Variants in PEAK1 observed in about 807,000 individuals in gnomAD.
PEAK1 encodes pseudopodium enriched atypical kinase 1.
PEAK1 carries 54 observed loss-of-function variants against 124.7 expected under a neutral mutation model. The ratio of observed to expected loss-of-function variants is 0.43; its 90% CI spans 0.35 to 0.54. The LOEUF (loss-of-function observed/expected upper bound fraction) is 0.54, where lower values mean the gene tolerates loss of function less well. Among genes scored for constraint, PEAK1 ranks in the 20% least tolerant of loss-of-function variants. The probability of loss-of-function intolerance (pLI) is 0.01; values close to 1 mark genes in which losing one functional copy is unlikely to be tolerated. For synonymous variants in PEAK1, 719 were observed against 760.0 expected, an observed-to-expected ratio of 0.95 and a Z score of 0.89; for missense variants, 2,046 against 2,134.5, an observed-to-expected ratio of 0.96 and a Z score of 0.82.
At chr15:77,138,660 T>C (rs1041673160) in intron 8 of PEAK1, among the ~76,000 whole-genome samples, 16 of 152,236 alleles carry the variant, frequency 1.1e-4, no homozygotes, top group Admixed American at 1.0e-3. Flanking sequence ...GGCCAGGAGT[T>C]TGAGACCAGC....
intron 2 of PEAK1, chr15:77,334,353 C>T (rs2066067883): frequency 1.0e-6 from 1 of 985,284 alleles, no homozygotes; most frequent in Non-Finnish European, 1.2e-6. Flanking sequence ...GGTCCTGACA[C>T]CAGAAGGAAG....
At chr15:77,267,436 C>T (rs956385052) in intron 5 of PEAK1, among the ~76,000 whole-genome samples, 55 of 152,142 alleles carry the variant, frequency 3.6e-4, no homozygotes, top group African/African-American at 1.3e-3. Flanking sequence ...AAAAATACAA[C>T]CAGGAACCCT....
intron 2 of PEAK1, among the ~76,000 whole-genome samples, chr15:77,341,050 C>G (rs1206072405): frequency 6.6e-6 from 1 of 151,740 alleles, no homozygotes; most frequent in African/African-American, 2.4e-5. Flanking sequence ...CTCCTGGGCT[C>G]AAACAATTCT....
chr15:77,338,085 T>A, intron 2 of PEAK1: 1 of 983,580 alleles, frequency 1.0e-6, no homozygotes. Context: ...TCAAACTGTA[T>A]ACCAATGAAA....
In PEAK1 at chr15:77,375,771, G is replaced by A. The variant is rs533121260; in HGVS notation, c.-665-10546C>T. On this transcript the variant is annotated intron_variant, in intron 1 of 9. Coordinates refer to ENST00000682557, the MANE Select transcript of PEAK1 (RefSeq NM_001385026.1). ...AGCACTTTGGGAGGCCGAGGCGGGT[G>A]GATCACGAAGTCAGGAGATCGAGAC... Among the ~76,000 whole-genome samples the A allele has an allele frequency of 5.1e-4, 77 of 152,208 alleles. 1 individual carries two copies. Among genetic ancestry groups the A allele is most frequent in the Admixed American group, 9.8e-4 (15 of 15,282 alleles).
intron 7 of PEAK1, among the ~76,000 whole-genome samples, chr15:77,159,319 G>C (rs2055426417): frequency 6.6e-6 from 1 of 152,150 alleles, no homozygotes; most frequent in African/African-American, 2.4e-5. Context: ...GGAAAAGAAA[G>C]TTCGTAGTCT....
chr15:77,192,401 T>C (rs1288769470), intron 6 of PEAK1, among the ~76,000 whole-genome samples: 1 of 152,190 alleles, frequency 6.6e-6, no homozygotes, highest in African/African-American at 2.4e-5. Flanking sequence ...GACAATAGGT[T>C]TCCACAGGAC....
At chr15:77,353,456 T>C (rs2067324821) in intron 2 of PEAK1, among the ~76,000 whole-genome samples, 1 of 152,190 alleles carries the variant, frequency 6.6e-6, no homozygotes, top group South Asian at 2.1e-4. Context: ...GGACCGAAGC[T>C]GGACCCTGGC....
intron 6 of PEAK1, among the ~76,000 whole-genome samples, chr15:77,221,120 T>C (rs2059370095): frequency 6.6e-6 from 1 of 152,132 alleles, no homozygotes; most frequent in Non-Finnish European, 1.5e-5. Flanking sequence ...ATATGCCCTT[T>C]ACCCACATGC....
intron 2 of PEAK1, among the ~76,000 whole-genome samples, chr15:77,323,734 A>G (rs1253437950): frequency 6.6e-6 from 1 of 152,206 alleles, no homozygotes; most frequent in Non-Finnish European, 1.5e-5. Flanking sequence ...ATTCAATGCC[A>G]TCCCCATCGA....
rs1400622724 is a variant in PEAK1, at chr15:77,180,128, T to C, written c.1799A>G (p.Asn600Ser). 1 of 1,614,136 alleles carries C rather than the reference T, an allele frequency of 6.2e-7. No homozygotes were observed. The highest frequency in any genetic ancestry group is 2.2e-5 in the East Asian group (1 of 44,874). ...AATTGGAAAAGGTGGCATACCAGCA[T>C]TGTTATAACTATTAAATTTAATTTC... ...LSEIKFNSYN[N>S]AGMPPFPIII... Residue 600 changes from asparagine to serine, a missense_variant, in exon 7 of 10, where the codon AAT becomes AGT. Physicochemically the swap from Asn to Ser is conservative, Grantham distance 46. Transcript: ENST00000682557.
intron 2 of PEAK1, among the ~76,000 whole-genome samples, chr15:77,301,253 T>C (rs549188572): frequency 6.6e-6 from 1 of 152,292 alleles, no homozygotes; most frequent in Admixed American, 6.5e-5. Flanking sequence ...GGCTATATCA[T>C]TCTAATCTCT....
At chr15:77,332,405 C>G (rs2065944256) in intron 2 of PEAK1, 1 of 304,048 alleles carries the variant, frequency 3.3e-6, no homozygotes, top group African/African-American at 2.3e-5. Context: ...TGAGATCATC[C>G]TGGCTAACAC....
At chr15:77,305,667 T>C (rs559694034) in intron 2 of PEAK1, among the ~76,000 whole-genome samples, 9 of 152,288 alleles carry the variant, frequency 5.9e-5, no homozygotes, top group East Asian at 1.9e-4. Flanking sequence ...CTCCGTGCTA[T>C]AGTTATCTCT....
rs2051250321 is a variant in PEAK1 at position 77,115,171 on chromosome 15, T to C, written c.4226A>G (p.Asp1409Gly). 1.9e-6 allele frequency: 3 copies of C among 1,614,192 alleles called. No homozygotes were observed. Among genetic ancestry groups the C allele is most frequent in the East Asian group, 4.5e-5 (2 of 44,878 alleles). The change falls in exon 10 of 10, where the codon GAT becomes GGT. Residue 1409 changes from aspartate (D) to glycine (G), a missense_variant. Physicochemically the swap from Asp to Gly is moderately conservative, Grantham distance 94. Transcript: ENST00000682557. ...PNRLLPWEDP[D>G]DPEKDEDDME... ...GTCATCCTCATCCTTTTCAGGGTCA[T>C]CTGGATCCTCCCAGGGAAGCAGACG... is the stretch of plus-strand genomic sequence containing the variant.
At chr15:77,223,769 T>C (rs939955554) in intron 6 of PEAK1, among the ~76,000 whole-genome samples, 5 of 152,046 alleles carry the variant, frequency 3.3e-5, no homozygotes, top group African/African-American at 9.7e-5. Context: ...AAATCACTGT[T>C]GGATCCCTCT....
In PEAK1 at chr15:77,180,758, G is replaced by A. The variant is rs1447589020; in HGVS notation, c.1169C>T (p.Pro390Leu). ...MKEIEPNYES[P>L]SSNNQDKDSS... ...ATCTTTATCCTGATTATTACTAGAG[G>A]GACTTTCATAATTGGGCTCAATTTC... is the stretch of plus-strand genomic sequence containing the variant. The change falls in exon 7 of 10, where the codon CCC (proline) becomes CTC (leucine). Residue 390 changes from proline (P) to leucine (L), a missense_variant. Transcript: ENST00000682557. The A allele has an allele frequency of 3.7e-6, 6 of 1,613,730 alleles. No individual in the cohort carries two copies. The African/African-American group carries it at 5.3e-5, about 14-fold the overall frequency.
intron 8 of PEAK1, among the ~76,000 whole-genome samples, chr15:77,145,155 A>T (rs2054082278): frequency 6.6e-6 from 1 of 152,168 alleles, no homozygotes; most frequent in Non-Finnish European, 1.5e-5. Context: ...TCCCCACTTA[A>T]AAATGTCTTC....
intron 1 of PEAK1, among the ~76,000 whole-genome samples, chr15:77,377,439 A>G (rs1016705507): frequency 6.6e-6 from 1 of 151,912 alleles, no homozygotes; most frequent in Non-Finnish European, 1.5e-5. Context: ...TGGGAAAAAT[A>G]CAATGTTATA....
Sources: allele counts gnomAD v4.1 joint callset (sites outside exome capture counted in the v4.1 genomes callset), GRCh38; gene constraint gnomAD v4.1.1; transcripts MANE v1.5; gene names NCBI Gene and HGNC (gene_info 2026-07-23, HGNC 2026-07-21).